The following XPO6 variants were observed in gnomAD, a reference collection of about 807,000 sequenced individuals.
XPO6 encodes exportin 6.
A neutral mutation model predicts 130.0 loss-of-function variants in XPO6; 3 were observed. The observed-to-expected ratio is 0.02, with a 90% CI of 0.01 to 0.06. The LOEUF is 0.06. Ranked by LOEUF, XPO6 falls within the 10% of genes least tolerant of loss-of-function variation. XPO6 has a pLI of 1.00. For synonymous variants in XPO6, 524 were observed against 548.9 expected, an observed-to-expected ratio of 0.95 and a Z score of 0.63; for missense variants, 970 against 1,393.0, an observed-to-expected ratio of 0.70 and a Z score of 4.83.
At chr16:28,203,063 C>G (rs956436776) in intron 1 of XPO6, among the ~76,000 whole-genome samples, 2 of 152,146 alleles carry the variant, frequency 1.3e-5, no homozygotes, top group African/African-American at 4.8e-5. Context: ...ATCACTTGAG[C>G]CCAGCAGCTC....
At chr16:28,208,550 C>T (rs972441432) in intron 1 of XPO6, among the ~76,000 whole-genome samples, 47 of 152,142 alleles carry the variant, frequency 3.1e-4, no homozygotes, top group Non-Finnish European at 6.2e-4. Flanking sequence ...TATGGCCACC[C>T]CCTGTGTACT....
intron 1 of XPO6, among the ~76,000 whole-genome samples, chr16:28,195,387 C>G (rs1050641325): frequency 6.6e-6 from 1 of 152,142 alleles, no homozygotes; most frequent in Non-Finnish European, 1.5e-5. Context: ...AGTGAATAAG[C>G]TCTATACATA....
At chr16:28,105,138 A>C (rs1293832766) in intron 20 of XPO6, among the ~76,000 whole-genome samples, 8 of 152,204 alleles carry the variant, frequency 5.3e-5, no homozygotes, top group African/African-American at 1.9e-4. Context: ...CTGTCCCACT[A>C]ACCTGTTGGT....
intron 1 of XPO6, among the ~76,000 whole-genome samples, chr16:28,193,944 G>A (rs1020457062): frequency 9.2e-5 from 14 of 152,146 alleles, no homozygotes; most frequent in African/African-American, 3.4e-4. Flanking sequence ...GGCTGGGTAC[G>A]CTTGTCCTGG....
In XPO6 at chr16:28,107,628, C is replaced by T. The variant is rs748848598; in HGVS notation, c.2391G>A (p.Glu797=). The T allele has an allele frequency of 8.7e-6, 14 of 1,614,174 alleles. No individual in the cohort carries two copies. Among genetic ancestry groups the T allele is most frequent in the Middle Eastern group, 1.6e-4 (1 of 6,062 alleles). ...ACTTGGTGGACTCCCCCGAGATATTCTCCACAATATCTTCTAAGACGCTGA... is the reference window on the plus strand; with the variant it reads ...ACTTGGTGGACTCCCCCGAGATATTTTCCACAATATCTTCTAAGACGCTGA... ...QTLSVLEDIV[E]NISGESTKSR... is the part of the protein sequence containing the mutation. Residue 797 remains glutamate, a synonymous_variant, in exon 18 of 24, where the codon GAG becomes GAA. Coordinates refer to ENST00000304658, the MANE Select transcript of XPO6 (RefSeq NM_015171.4).
intron 7 of XPO6, chr16:28,155,838 G>T: frequency 1.8e-6 from 2 of 1,082,088 alleles, no homozygotes; most frequent in South Asian, 2.3e-5. Flanking sequence ...TGGATGGGGA[G>T]AAAAGACAAC....
intron 2 of XPO6, 34 bp from the exon 3 acceptor site, chr16:28,177,366 T>G: frequency 7.8e-7 from 1 of 1,274,724 alleles, no homozygotes; most frequent in Non-Finnish European, 1.1e-6. Flanking sequence ...AAGAAAGCTA[T>G]GAAAATACAT....
At position 28,101,459 on chromosome 16, in the gene XPO6, C is replaced by T. The variant is rs760476887; in HGVS notation, c.3275G>A (p.Arg1092Gln). 1.1e-5 allele frequency: 17 copies of T among 1,613,686 alleles called. No individual in the cohort carries two copies. Among genetic ancestry groups the T allele is most frequent in the African/African-American group, 5.3e-5 (4 of 74,912 alleles). Residue 1092 changes from arginine (R) to glutamine (Q), a missense_variant and splice_region_variant, in exon 23 of 24, where the codon CGG (arginine) becomes CAG (glutamine). Physicochemically the swap from Arg to Gln is conservative, Grantham distance 43. This residue lies in a region of XPO6 where 936 missense variants were observed against 1,306.8 expected (regional missense o/e 0.72). Transcript: ENST00000304658. This position sits in a 1 kb window ranked among gnomAD's most constrained non-coding sequence, Gnocchi z 5.4. ...SVLGRNFKMD[R>Q]DLPSFTQNVH... ...AGCCCGGCCTCTTTCTCTCCTCACCCGATCCATCTTGAAATTCCGCCCCAG... is the reference window on the plus strand; with the variant it reads ...AGCCCGGCCTCTTTCTCTCCTCACCTGATCCATCTTGAAATTCCGCCCCAG...
At chr16:28,129,642 A>G (rs2042627561) in intron 12 of XPO6, among the ~76,000 whole-genome samples, 1 of 152,172 alleles carries the variant, frequency 6.6e-6, no homozygotes, top group Non-Finnish European at 1.5e-5. Context: ...TCTCTTTTTG[A>G]GGAGTTGAGG....
At chr16:28,112,850 C>T in intron 16 of XPO6, 54 bp downstream of exon 16, 1 of 1,571,360 alleles carries the variant, frequency 6.4e-7, no homozygotes, top group East Asian at 2.3e-5. Context: ...CCTCAGCTTC[C>T]TTGGGTCTCA....
intron 1 of XPO6, among the ~76,000 whole-genome samples, chr16:28,206,226 G>A (rs902076550): frequency 1.3e-5 from 2 of 151,610 alleles, no homozygotes; most frequent in Non-Finnish European, 2.9e-5. Context: ...AAACTTCATA[G>A]CAGGAAGTCA....
chr16:28,114,168 C>A (rs2086996041), intron 15 of XPO6, among the ~76,000 whole-genome samples: 1 of 137,096 alleles, frequency 7.3e-6, no homozygotes. Flanking sequence ...GAACTCATTT[C>A]TAGCAATAGG....
At chr16:28,118,874 G>A (rs950402189) in intron 14 of XPO6, among the ~76,000 whole-genome samples, 1 of 152,126 alleles carries the variant, frequency 6.6e-6, no homozygotes, top group African/African-American at 2.4e-5. Flanking sequence ...CCCCAGACTT[G>A]AGCTTTTTTC....
intron 5 of XPO6, among the ~76,000 whole-genome samples, chr16:28,168,570 G>C (rs184005537): frequency 7.3e-5 from 11 of 151,558 alleles, no homozygotes; most frequent in African/African-American, 2.4e-4. Context: ...AGGGAAGGAT[G>C]GGGGGACAAA....
At chr16:28,180,869 C>G in intron 2 of XPO6, 72 bp downstream of exon 2, 1 of 1,279,248 alleles carries the variant, frequency 7.8e-7, no homozygotes, top group Non-Finnish European at 1.1e-6. Context: ...GTCACGGCTA[C>G]GAACAACTCC....
At position 28,202,018 on chromosome 16, in the gene XPO6, T is replaced by C. The variant is rs147277208; in HGVS notation, c.3+9348A>G. On this transcript the variant is annotated intron_variant, in intron 1 of 23. Coordinates refer to ENST00000304658, the MANE Select transcript of XPO6 (RefSeq NM_015171.4). ...CAGAGAGGTAATGTTTATGGTAACCTTGAGATGTCACATAAGTTTCATTTG... is the reference window on the plus strand; with the variant it reads ...CAGAGAGGTAATGTTTATGGTAACCCTGAGATGTCACATAAGTTTCATTTG... 1.9e-3 allele frequency among the ~76,000 whole-genome samples: 282 copies of C among 152,304 alleles called. 1 individual carries two copies. The highest frequency in any genetic ancestry group is 6.4e-3 in the African/African-American group (266 of 41,570).
intron 1 of XPO6, among the ~76,000 whole-genome samples, chr16:28,197,695 T>C (rs116881439): frequency 0.051 from 7,746 of 151,510 alleles, 517 homozygotes; most frequent in East Asian, 0.17. Context: ...GGCAGGCAGA[T>C]CACGAGGTCA....
At chr16:28,144,426 G>C (rs758269891) in intron 9 of XPO6, among the ~76,000 whole-genome samples, 2 of 152,178 alleles carry the variant, frequency 1.3e-5, no homozygotes, top group Non-Finnish European at 2.9e-5. Context: ...GAGACACAAG[G>C]AGTCTCACTA....
At position 28,162,654 on chromosome 16, in the gene XPO6, T is replaced by G. The variant is rs1336274933; in HGVS notation, c.643+3854A>C. Among the ~76,000 whole-genome samples, 13 of 151,310 alleles carry G rather than the reference T, an allele frequency of 8.6e-5. No individual in the cohort carries two copies. The East Asian group carries it at 2.5e-3, about 29-fold the overall frequency. On this transcript the variant is annotated intron_variant, in intron 6 of 23. Coordinates refer to ENST00000304658, the MANE Select transcript of XPO6 (RefSeq NM_015171.4). Reference sequence around the variant, plus strand: ...ATGGCTCACTGCAGCCTCAACCTCCTGGACTCAAGCCATTCTCCCACTTCA... The same window carrying G: ...ATGGCTCACTGCAGCCTCAACCTCCGGGACTCAAGCCATTCTCCCACTTCA...
Sources: allele counts gnomAD v4.1 joint callset (sites outside exome capture counted in the v4.1 genomes callset), GRCh38; gene constraint gnomAD v4.1.1; regional missense constraint gnomAD v4.1.1; non-coding constraint Gnocchi (gnomAD v3.1); transcripts MANE v1.5; gene names NCBI Gene and HGNC (gene_info 2026-07-23, HGNC 2026-07-21).